UCK2: variants seen among roughly 807,000 people sequenced by gnomAD.
UCK2 encodes the protein uridine-cytidine kinase 2, also known as cytidine monophosphokinase 2.
A neutral mutation model predicts 30.8 loss-of-function variants in UCK2; 6 were observed. That is an observed-to-expected ratio of 0.19 (90% CI 0.11 to 0.38). UCK2 has a LOEUF of 0.38. UCK2 is among the 10% of genes least tolerant of loss of function. The pLI is 1.00. For synonymous variants in UCK2, 125 were observed against 133.6 expected (o/e 0.94, Z 0.45); for missense variants, 210 against 339.8 (o/e 0.62, Z 3.00).
At chr1:165,833,928 A>G (rs1195414661) in intron 1 of UCK2, among the ~76,000 whole-genome samples, 3 of 152,214 alleles carry the variant, frequency 2.0e-5, no homozygotes, top group African/African-American at 7.2e-5. Context: ...TAAAATATAT[A>G]AGTATAACCC....
chr1:165,875,169 T>C (rs2101872974), intron 1 of UCK2, among the ~76,000 whole-genome samples: 1 of 152,260 alleles, frequency 6.6e-6, no homozygotes, highest in Non-Finnish European at 1.5e-5. Flanking sequence ...ATCTTAGGCA[T>C]GTAGCTTATT....
chr1:165,828,639 G>T (rs1489928854), intron 1 of UCK2, among the ~76,000 whole-genome samples: 1 of 152,172 alleles, frequency 6.6e-6, no homozygotes, highest in African/African-American at 2.4e-5. Flanking sequence ...AAGCTCTTCG[G>T]TGTCCAGGAC....
At chr1:165,862,673 T>C (rs969797564) in intron 1 of UCK2, among the ~76,000 whole-genome samples, 2 of 152,236 alleles carry the variant, frequency 1.3e-5, no homozygotes, top group African/African-American at 2.4e-5. Flanking sequence ...CCACTGACTT[T>C]AGAGCCAGCC....
intron 1 of UCK2, chr1:165,885,084 G>A (rs1033432027): frequency 6.5e-6 from 2 of 308,782 alleles, no homozygotes; most frequent in African/African-American, 4.3e-5. Context: ...GGACAAAACA[G>A]TATTATATTT....
intron 1 of UCK2, among the ~76,000 whole-genome samples, chr1:165,842,044 T>C (rs1467423514): frequency 6.6e-6 from 1 of 152,232 alleles, no homozygotes; most frequent in African/African-American, 2.4e-5. Flanking sequence ...AGTAATCACC[T>C]AGTCTCTAAA....
chr1:165,896,957 G>A (rs1647281475), intron 4 of UCK2, among the ~76,000 whole-genome samples: 1 of 152,226 alleles, frequency 6.6e-6, no homozygotes, highest in Admixed American at 6.5e-5. Context: ...TGTGAACTGA[G>A]CTCTACAGGG....
At chr1:165,844,361 A>G (rs1654397527) in intron 1 of UCK2, among the ~76,000 whole-genome samples, 1 of 152,212 alleles carries the variant, frequency 6.6e-6, no homozygotes, top group Non-Finnish European at 1.5e-5. Flanking sequence ...GTGATATAAT[A>G]AGAAATATGT....
chr1:165,853,963 CTTAACAG>C (rs1654662444), intron 1 of UCK2, among the ~76,000 whole-genome samples: 1 of 152,182 alleles, frequency 6.6e-6, no homozygotes, highest in Non-Finnish European at 1.5e-5. Flanking sequence ...AAATTTCTTT[CTTAACAG>C]TTAACAGTTT....
chr1:165,901,734 C>T (rs1377751504), intron 4 of UCK2, among the ~76,000 whole-genome samples: 3 of 152,130 alleles, frequency 2.0e-5, no homozygotes, highest in Non-Finnish European at 4.4e-5. Flanking sequence ...AATCTACTTC[C>T]AAACTCCCTA....
At chr1:165,865,795 C>T (rs1655030884) in intron 1 of UCK2, among the ~76,000 whole-genome samples, 1 of 152,156 alleles carries the variant, frequency 6.6e-6, no homozygotes, top group Admixed American at 6.5e-5. Flanking sequence ...ACTAGGATAA[C>T]CACAGTCGTA....
At chr1:165,866,125 G>C (rs1655041172) in intron 1 of UCK2, among the ~76,000 whole-genome samples, 2 of 152,140 alleles carry the variant, frequency 1.3e-5, no homozygotes, top group South Asian at 2.1e-4. Flanking sequence ...TTAACTGGGA[G>C]ACTGGAGTAT....
intron 6 of UCK2, 123 bp from the exon 7 acceptor site, chr1:165,907,559 CAG>C: frequency 7.3e-7 from 1 of 1,361,494 alleles, no homozygotes; most frequent in East Asian, 2.4e-5. Context: ...CTGCAAGTGG[CAG>C]AGCCACTTCC....
chr1:165,852,451 C>G (rs755615710), intron 1 of UCK2, among the ~76,000 whole-genome samples: 2 of 152,148 alleles, frequency 1.3e-5, no homozygotes, highest in African/African-American at 2.4e-5. Flanking sequence ...ACGTGGCCAA[C>G]AAACATGAGA....
At chr1:165,850,814 G>T (rs1389989160) in intron 1 of UCK2, among the ~76,000 whole-genome samples, 1 of 151,424 alleles carries the variant, frequency 6.6e-6, no homozygotes, top group Non-Finnish European at 1.5e-5. Flanking sequence ...AGTAGAGACG[G>T]GGTTTCACCG....
chr1:165,851,651 G>T (rs1485190261), intron 1 of UCK2, among the ~76,000 whole-genome samples: 4 of 152,036 alleles, frequency 2.6e-5, no homozygotes, highest in South Asian at 4.1e-4. Context: ...AAAAAAATGG[G>T]ATACATGTGC....
At chr1:165,895,402 A>G in intron 3 of UCK2, 1 of 894,434 alleles carries the variant, frequency 1.1e-6, no homozygotes, top group Non-Finnish European at 1.3e-6. Flanking sequence ...TGGGTGACAA[A>G]GTGAGACCCT....
At chr1:165,861,627 CAAAAA>C (rs1223282712) in intron 1 of UCK2, among the ~76,000 whole-genome samples, 4 of 15,940 alleles carry the variant, frequency 2.5e-4, no homozygotes, top group South Asian at 4.3e-3. Context: ...GACTCCGTCT[CAAAAA>C]AAAAAAAAAA....
intron 1 of UCK2, among the ~76,000 whole-genome samples, chr1:165,881,884 A>G (rs1655509049): frequency 6.6e-6 from 1 of 152,178 alleles, no homozygotes; most frequent in East Asian, 1.9e-4. Flanking sequence ...AGTCCTAGGA[A>G]CTTGTTTATG....
intron 1 of UCK2, among the ~76,000 whole-genome samples, chr1:165,888,410 G>C (rs142807954): frequency 1.6e-4 from 24 of 152,030 alleles, no homozygotes; most frequent in African/African-American, 4.8e-4. Flanking sequence ...TCCTGGCTCA[G>C]CCTCCCGAGT....
Sources: gnomAD v4.1 joint callset for allele counts (sites outside exome capture counted in the v4.1 genomes callset) on GRCh38, gnomAD v4.1.1 for gene constraint, MANE v1.5 for transcripts, NCBI Gene and HGNC (gene_info 2026-07-23, HGNC 2026-07-21) for gene names.